SBF2: variants seen among roughly 807,000 people sequenced by gnomAD.
The protein encoded by SBF2 is myotubularin-related protein 13.
Under a neutral mutation model 225.2 loss-of-function variants are expected in SBF2, and 112 were observed. That is an observed-to-expected ratio of 0.50 (90% CI 0.43 to 0.58). The LOEUF (loss-of-function observed/expected upper bound fraction) is 0.58. SBF2 is among the 20% of genes least tolerant of loss of function. The probability of loss-of-function intolerance (pLI) is 0.00; values close to 1 mark genes in which losing one functional copy is unlikely to be tolerated. For synonymous variants in SBF2, 763 were observed against 773.3 expected, an observed-to-expected ratio of 0.99 and a Z score of 0.22; for missense variants, 1,996 against 2,206.2, an observed-to-expected ratio of 0.90 and a Z score of 1.91.
chr11:9,888,662 T>TA (rs1860539218), intron 17 of SBF2, among the ~76,000 whole-genome samples: 1 of 152,074 alleles, frequency 6.6e-6, no homozygotes, highest in South Asian at 2.1e-4. Flanking sequence ...CTGAAGAAAT[T>TA]AGAGGGCAGG....
At chr11:9,816,533 T>C (rs891550454) in intron 29 of SBF2, among the ~76,000 whole-genome samples, 2 of 152,228 alleles carry the variant, frequency 1.3e-5, no homozygotes, top group African/African-American at 2.4e-5. Flanking sequence ...AAACACAGCC[T>C]GATGAAGCCT....
At chr11:10,166,063 T>C (rs1431319234) in intron 2 of SBF2, among the ~76,000 whole-genome samples, 1 of 152,178 alleles carries the variant, frequency 6.6e-6, no homozygotes, top group Non-Finnish European at 1.5e-5. Flanking sequence ...CATAAGGGCA[T>C]TGCCACATTG....
intron 17 of SBF2, among the ~76,000 whole-genome samples, chr11:9,880,829 T>G (rs1162305988): frequency 6.6e-6 from 1 of 152,232 alleles, no homozygotes; most frequent in East Asian, 1.9e-4. Flanking sequence ...GCAGCTATCC[T>G]AGAAGGGGGT....
At chr11:10,110,898 A>C (rs1054013122) in intron 2 of SBF2, among the ~76,000 whole-genome samples, 1 of 152,228 alleles carries the variant, frequency 6.6e-6, no homozygotes, top group Non-Finnish European at 1.5e-5. Context: ...GTAAACAGAT[A>C]TAACGATACT....
chr11:10,124,622 C>G (rs1321964493), intron 2 of SBF2, among the ~76,000 whole-genome samples: 1 of 152,078 alleles, frequency 6.6e-6, no homozygotes, highest in Non-Finnish European at 1.5e-5. Flanking sequence ...TCTGTATTTT[C>G]ATGAGAGTCA....
intron 2 of SBF2, among the ~76,000 whole-genome samples, chr11:10,102,639 T>A (rs915536499): frequency 6.6e-6 from 1 of 152,108 alleles, no homozygotes; most frequent in African/African-American, 2.4e-5. Context: ...GTGTGAAGGG[T>A]TGATCCTGTA....
intron 16 of SBF2, among the ~76,000 whole-genome samples, chr11:9,921,858 T>C (rs1774165346): frequency 6.6e-6 from 1 of 152,208 alleles, no homozygotes; most frequent in Non-Finnish European, 1.5e-5. Flanking sequence ...GGCTTACCTA[T>C]AGCTAATATA....
chr11:9,828,107 T>C (rs1423104841), intron 28 of SBF2: 1 of 1,274,156 alleles, frequency 7.8e-7, no homozygotes, highest in Non-Finnish European at 1.0e-6. Flanking sequence ...TGCTCAGTTA[T>C]AAAATCAATC....
intron 16 of SBF2, chr11:9,958,088 C>T (rs1419904447): frequency 2.0e-5 from 3 of 152,162 alleles, no homozygotes; most frequent in African/African-American, 4.8e-5. Flanking sequence ...CTCTCAGGTC[C>T]CTCAAAGAAA....
At chr11:10,041,136 C>T (rs1169439111) in intron 3 of SBF2, among the ~76,000 whole-genome samples, 1 of 151,986 alleles carries the variant, frequency 6.6e-6, no homozygotes, top group Non-Finnish European at 1.5e-5. Context: ...ATGGAAATAA[C>T]AGAATATACT....
intron 28 of SBF2, chr11:9,828,206 G>A (rs1397856485): frequency 1.6e-6 from 2 of 1,289,494 alleles, no homozygotes; most frequent in African/African-American, 1.5e-5. Flanking sequence ...CATTCTTGAA[G>A]TCCTCCTTTC....
intron 8 of SBF2, among the ~76,000 whole-genome samples, chr11:9,999,906 T>C (rs566422771): frequency 8.5e-5 from 13 of 152,340 alleles, no homozygotes; most frequent in Admixed American, 8.5e-4. Flanking sequence ...TTTGCTGGCA[T>C]TTAAAACTAA....
chr11:10,054,490 C>T (rs1184863403), intron 2 of SBF2, among the ~76,000 whole-genome samples: 1 of 152,084 alleles, frequency 6.6e-6, no homozygotes, highest in Admixed American at 6.6e-5. Context: ...CAGATTAAGG[C>T]TTTACATTTA....
At chr11:10,004,349 A>G (rs572485596) in intron 6 of SBF2, among the ~76,000 whole-genome samples, 1 of 152,234 alleles carries the variant, frequency 6.6e-6, no homozygotes, top group South Asian at 2.1e-4. Flanking sequence ...TGGTACACTT[A>G]AACAACAGTG....
intron 1 of SBF2, among the ~76,000 whole-genome samples, chr11:10,259,451 A>G (rs1961216899): frequency 6.6e-6 from 1 of 152,202 alleles, no homozygotes; most frequent in South Asian, 2.1e-4. Flanking sequence ...CTCACTCAAC[A>G]GGAAAACCTT....
At chr11:10,079,050 A>C (rs561253083) in intron 2 of SBF2, among the ~76,000 whole-genome samples, 2 of 152,098 alleles carry the variant, frequency 1.3e-5, no homozygotes, top group Admixed American at 6.6e-5. Flanking sequence ...ATCCTGAAGA[A>C]GAAAAAAAGT....
intron 1 of SBF2, among the ~76,000 whole-genome samples, chr11:10,231,636 T>A (rs12279265): frequency 1.1e-4 from 17 of 152,130 alleles, no homozygotes; most frequent in Middle Eastern, 3.4e-3. Context: ...ATTGGTGAAC[T>A]GCAAATGCTG....
At position 9,794,676 on chromosome 11, in the gene SBF2, CAAAAAAAAAAAAAAAA is replaced by C. The variant is rs575749593; in HGVS notation, c.4570+1139_4570+1154del. ...TGATACAGTGAGTGGGACTCCGTCT[CAAAAAAAAAAAAAAAA>C]AAAAAAAAAAAAAAAGACCAGGCCT... On this transcript the variant is annotated intron_variant, in intron 33 of 39. Transcript: ENST00000256190. Among the ~76,000 whole-genome samples, 10 of 35,348 alleles carry C rather than the reference CAAAAAAAAAAAAAAAA, an allele frequency of 2.8e-4. 1 individual carries two copies. The highest frequency in any genetic ancestry group is 5.9e-4 in the Admixed American group (1 of 1,708). 23.2% of individuals were successfully genotyped at this position (35,348 alleles called of 152,430 possible).
intron 2 of SBF2, among the ~76,000 whole-genome samples, chr11:10,058,095 G>C (rs1950314265): frequency 6.6e-6 from 1 of 152,132 alleles, no homozygotes; most frequent in African/African-American, 2.4e-5. Flanking sequence ...AACTCCAATG[G>C]TCCAGAGAGT....
Sources: allele counts gnomAD v4.1 joint callset (sites outside exome capture counted in the v4.1 genomes callset), GRCh38; gene constraint gnomAD v4.1.1; transcripts MANE v1.5; gene names NCBI Gene and HGNC (gene_info 2026-07-23, HGNC 2026-07-21).